AGBL4: variants seen among roughly 807,000 people sequenced by gnomAD.
AGBL4 encodes cytosolic carboxypeptidase 6.
AGBL4 carries 58 observed loss-of-function variants against 66.4 expected under a neutral mutation model. The observed-to-expected ratio is 0.87, with a 90% CI of 0.71 to 1.09. The LOEUF (loss-of-function observed/expected upper bound fraction) is 1.09. Ranked by LOEUF, AGBL4 falls within the 50% of genes least tolerant of loss-of-function variation. AGBL4 has a pLI of 0.00. For missense variants in AGBL4, 579 were observed against 631.0 expected, an observed-to-expected ratio of 0.92 and a Z score of 0.88; for synonymous variants, 234 against 222.9, an observed-to-expected ratio of 1.05 and a Z score of -0.44.
intron 5 of AGBL4, among the ~76,000 whole-genome samples, chr1:48,887,204 C>T (rs1044372513): frequency 3.3e-5 from 5 of 151,986 alleles, no homozygotes; most frequent in Admixed American, 6.5e-5. Context: ...TCCAGTATGA[C>T]GAGGGCATAG....
chr1:49,659,200 TA>T (rs1049423588), intron 3 of AGBL4, among the ~76,000 whole-genome samples: 1 of 151,914 alleles, frequency 6.6e-6, no homozygotes, highest in Non-Finnish European at 1.5e-5. Flanking sequence ...TATCAGCCAC[TA>T]AAAAAACACA....
intron 2 of AGBL4, among the ~76,000 whole-genome samples, chr1:49,744,458 T>C (rs569789365): frequency 2.2e-4 from 33 of 152,084 alleles, no homozygotes; most frequent in Non-Finnish European, 3.7e-4. Context: ...CTTTTCTTTG[T>C]AAATTAAACA....
chr1:49,008,001 T>A (rs1163994628), intron 5 of AGBL4, among the ~76,000 whole-genome samples: 1 of 152,108 alleles, frequency 6.6e-6, no homozygotes, highest in Admixed American at 6.5e-5. Flanking sequence ...AACATCATCA[T>A]GACAGGATCA....
intron 4 of AGBL4, among the ~76,000 whole-genome samples, chr1:49,102,689 G>C (rs1645224789): frequency 6.6e-6 from 1 of 152,114 alleles, no homozygotes; most frequent in South Asian, 2.1e-4. Flanking sequence ...TGAAAAGTCA[G>C]CCTCATAACA....
chr1:49,845,603 C>A (rs201358654), intron 2 of AGBL4: 473 of 1,607,650 alleles, frequency 2.9e-4, no homozygotes, highest in Admixed American at 1.3e-4. Flanking sequence ...TGTGGAAAAG[C>A]CTTCACCCAG....
chr1:49,593,642 C>T (rs377323926), intron 3 of AGBL4, among the ~76,000 whole-genome samples: 3 of 152,202 alleles, frequency 2.0e-5, no homozygotes, highest in East Asian at 1.9e-4. Context: ...ATGAACCCAG[C>T]GCTACTTATT....
At chr1:49,852,104 A>G (rs1382149482) in intron 1 of AGBL4, among the ~76,000 whole-genome samples, 1 of 152,214 alleles carries the variant, frequency 6.6e-6, no homozygotes, top group African/African-American at 2.4e-5. Context: ...TAAGATGTAG[A>G]AAAATGGAAA....
intron 5 of AGBL4, among the ~76,000 whole-genome samples, chr1:48,893,485 T>C (rs1223516931): frequency 1.3e-5 from 2 of 151,410 alleles, no homozygotes; most frequent in Non-Finnish European, 2.9e-5. Flanking sequence ...ATTGAGACCA[T>C]CATGGCTAAC....
intron 3 of AGBL4, among the ~76,000 whole-genome samples, chr1:49,275,927 C>T (rs552937823): frequency 4.6e-5 from 7 of 152,102 alleles, no homozygotes; most frequent in Admixed American, 2.0e-4. Context: ...TAAACTACTC[C>T]GGAAAGCTCA....
At chr1:48,782,451 T>G (rs1270044533) in intron 6 of AGBL4, among the ~76,000 whole-genome samples, 1 of 152,222 alleles carries the variant, frequency 6.6e-6, no homozygotes, top group African/African-American at 2.4e-5. Context: ...CAAAACTATT[T>G]TTAAGGAGAC....
intron 6 of AGBL4, among the ~76,000 whole-genome samples, chr1:48,827,921 G>A (rs1404883316): frequency 2.6e-5 from 4 of 151,774 alleles, no homozygotes; most frequent in South Asian, 2.1e-4. Context: ...TTGGGAGGCC[G>A]AGGCGGGCAG....
intron 6 of AGBL4, among the ~76,000 whole-genome samples, chr1:48,679,111 A>G (rs1193735435): frequency 2.6e-5 from 4 of 152,188 alleles, no homozygotes; most frequent in Non-Finnish European, 1.5e-5. Flanking sequence ...GCCCAGAGGG[A>G]ACCCCCTGGC....
chr1:49,392,826 C>G (rs1161906732), intron 3 of AGBL4, among the ~76,000 whole-genome samples: 1 of 152,066 alleles, frequency 6.6e-6, no homozygotes, highest in Admixed American at 6.5e-5. Flanking sequence ...AAGTAATTTA[C>G]TGATCTTTAT....
intron 3 of AGBL4, among the ~76,000 whole-genome samples, chr1:49,580,509 G>T (rs544316742): frequency 1.3e-5 from 2 of 152,200 alleles, no homozygotes; most frequent in East Asian, 3.9e-4. Flanking sequence ...ATACTTCTAT[G>T]TATTTTCTTG....
At chr1:49,499,038 G>A (rs1351705889) in intron 3 of AGBL4, among the ~76,000 whole-genome samples, 1 of 152,008 alleles carries the variant, frequency 6.6e-6, no homozygotes, top group African/African-American at 2.4e-5. Flanking sequence ...CAGTGTCCTT[G>A]TATGGCTTTG....
intron 6 of AGBL4, among the ~76,000 whole-genome samples, chr1:48,710,929 C>CAAAAAAAAAAAAAAAAAAAAAAAAAA (rs1557895437): frequency 6.6e-6 from 1 of 152,162 alleles, no homozygotes; most frequent in African/African-American, 2.4e-5. Context: ...AGATCCAGCT[C>CAAAAAAAAAAAAAAAAAAAAAAAAAA]AGACATTACC....
intron 3 of AGBL4, among the ~76,000 whole-genome samples, chr1:49,693,620 C>A (rs1472871658): frequency 6.6e-6 from 1 of 151,824 alleles, no homozygotes; most frequent in Non-Finnish European, 1.5e-5. Flanking sequence ...TGGGGGGGTG[C>A]TTTTTCTCTG....
chr1:49,545,870 CCT>C (rs1456305523), intron 3 of AGBL4, among the ~76,000 whole-genome samples: 37 of 151,904 alleles, frequency 2.4e-4, no homozygotes, highest in African/African-American at 7.7e-4. Context: ...GATTTTATAC[CCT>C]GTGTTTATTT....
chr1:49,921,092 G>T (rs148049013), intron 1 of AGBL4, among the ~76,000 whole-genome samples: 1 of 152,146 alleles, frequency 6.6e-6, no homozygotes, highest in South Asian at 2.1e-4. Flanking sequence ...GCCTGTCGTG[G>T]GGTGGGAGTA....
Sources: allele counts gnomAD v4.1 joint callset (sites outside exome capture counted in the v4.1 genomes callset), GRCh38; gene constraint gnomAD v4.1.1; transcripts MANE v1.5; gene names NCBI Gene and HGNC (gene_info 2026-07-23, HGNC 2026-07-21).